Variants in GSN observed in about 807,000 individuals in gnomAD.
The protein encoded by GSN is actin-depolymerizing factor.
Under a neutral mutation model 85.7 loss-of-function variants are expected in GSN, and 56 were observed. That is an observed-to-expected ratio of 0.65 (90% CI 0.53 to 0.82). The LOEUF is 0.82. GSN is among the 40% of genes least tolerant of loss of function. GSN has a pLI of 0.00. For missense variants in GSN, 857 were observed against 979.8 expected (o/e 0.87, Z 1.67); for synonymous variants, 373 against 399.1 (o/e 0.93, Z 0.78).
chr9:121,254,731 ATGT>A (rs1281360802), intron 6 of GSN, among the ~76,000 whole-genome samples: 18 of 152,260 alleles, frequency 1.2e-4, no homozygotes, highest in African/African-American at 3.6e-4. Flanking sequence ...TTTATTTCTA[ATGT>A]TATTATTATT....
intron 2 of GSN, among the ~76,000 whole-genome samples, chr9:121,293,326 A>G (rs1040418619): frequency 6.6e-6 from 1 of 151,494 alleles, no homozygotes; most frequent in Admixed American, 6.6e-5. Context: ...TTTTCCTGTC[A>G]CCTATGTCCC....
Position 121,291,296 on chromosome 9 carries a change from C to T in GSN, c.-10+9734C>T, listed in dbSNP as rs146720431. Among the ~76,000 whole-genome samples the T allele has an allele frequency of 5.4e-3, 819 of 152,074 alleles. 5 individuals carry two copies. Among genetic ancestry groups the T allele is most frequent in the Non-Finnish European group, 8.2e-3 (559 of 68,028 alleles). On this transcript the variant is annotated intron_variant, in intron 2 of 17. Transcript: ENST00000432226. ...GGTTGTATGCAAATACTGTACTATG[C>T]CATTTTATATATTGGTGTACAGCAT...
Position 121,312,505 on chromosome 9 carries a change from C to T in GSN, c.663+17C>T, listed in dbSNP as rs896666450. The T allele has an allele frequency of 1.3e-6, 2 of 1,589,844 alleles. No homozygotes were observed. The highest frequency in any genetic ancestry group is 2.7e-5 in the African/African-American group (2 of 74,272). ...ATGCTCCAGGTGCCTGTGGGGTGCGCAATGGGGTGGCCATGGGGACACGCT... is the reference window on the plus strand; with the variant it reads ...ATGCTCCAGGTGCCTGTGGGGTGCGTAATGGGGTGGCCATGGGGACACGCT... On this transcript the variant is annotated intron_variant, in intron 6 of 17. Transcript: ENST00000432226.
At chr9:121,301,890 G>A (rs777592645) in intron 2 of GSN, 73 bp from the exon 3 acceptor site, 82 of 1,609,214 alleles carry the variant, frequency 5.1e-5, no homozygotes, top group Middle Eastern at 1.6e-4. Context: ...GCTAGAAACC[G>A]CCCTCCCTCA....
In GSN at chr9:121,281,542, C is replaced by A; in HGVS notation, c.-30C>A. 1 of 446,042 alleles carries A rather than the reference C, an allele frequency of 2.2e-6. No homozygotes were observed. The highest frequency in any genetic ancestry group is 4.7e-6 in the Non-Finnish European group (1 of 214,266). The allele number at this position is 446,042 out of a possible 1,614,324, so 27.6% of individuals were successfully genotyped here. ...CGCCTTCCCACGGAGCAGCACTCTT[C>A]ACCCTGCACAGCCTTGTTAGGTAGG... On this transcript the variant is annotated 5_prime_UTR_variant, in exon 2 of 18. Coordinates refer to ENST00000432226, the MANE Select transcript of GSN (RefSeq NM_198252.3).
intron 5 of GSN, chr9:121,311,201 G>A (rs1402496241): frequency 8.6e-6 from 3 of 349,946 alleles, no homozygotes; most frequent in Non-Finnish European, 1.6e-5. Context: ...GCCCACACAT[G>A]TATACTCGGG....
chr9:121,314,416 G>A (rs1433833196), intron 7 of GSN, among the ~76,000 whole-genome samples: 1 of 152,168 alleles, frequency 6.6e-6, no homozygotes, highest in African/African-American at 2.4e-5. Flanking sequence ...TTGGGGGTGT[G>A]GGTTATAGTT....
intron 1 of GSN, among the ~76,000 whole-genome samples, chr9:121,271,842 C>T (rs1310282101): frequency 6.6e-6 from 1 of 152,204 alleles, no homozygotes; most frequent in East Asian, 1.9e-4. Flanking sequence ...ACAGGACTTG[C>T]CCAGCAAGGT....
At chr9:121,326,074 T>G (rs910318813) in intron 12 of GSN, among the ~76,000 whole-genome samples, 1 of 150,322 alleles carries the variant, frequency 6.7e-6, no homozygotes, top group Non-Finnish European at 1.5e-5. Flanking sequence ...TGCCCGCATC[T>G]GGGGTGCACT....
intron 12 of GSN, among the ~76,000 whole-genome samples, 180 bp downstream of exon 12, chr9:121,324,824 T>C (rs896958069): frequency 6.6e-6 from 1 of 152,240 alleles, no homozygotes; most frequent in South Asian, 2.1e-4. Flanking sequence ...AGGGCTTCCA[T>C]GTGTTCCACA....
At chr9:121,301,813 G>T (rs2059893555) in intron 2 of GSN, 150 bp from the exon 3 acceptor site, 1 of 1,218,114 alleles carries the variant, frequency 8.2e-7, no homozygotes, top group Non-Finnish European at 1.2e-6. Context: ...GAGACAGGGT[G>T]CCCAGAAGGG....
chr9:121,225,851 C>T (rs1346856663), intron 4 of GSN, among the ~76,000 whole-genome samples: 1 of 152,194 alleles, frequency 6.6e-6, no homozygotes, highest in Admixed American at 6.5e-5. Context: ...GCTGCCCAGG[C>T]TGGAGTGTGG....
At chr9:121,208,547 C>T (rs1048298964) in intron 1 of GSN, among the ~76,000 whole-genome samples, 2 of 152,202 alleles carry the variant, frequency 1.3e-5, no homozygotes, top group Non-Finnish European at 2.9e-5. Flanking sequence ...ACTGCCACCC[C>T]CAAATCATGC....
chr9:121,256,254 T>C (rs1328843549), intron 6 of GSN, among the ~76,000 whole-genome samples: 1 of 152,186 alleles, frequency 6.6e-6, no homozygotes, highest in Non-Finnish European at 1.5e-5. Flanking sequence ...AAAAACATTG[T>C]ATGCCTGAGG....
At chr9:121,272,300 G>A (rs1353483169) in intron 1 of GSN, among the ~76,000 whole-genome samples, 21 of 152,220 alleles carry the variant, frequency 1.4e-4, no homozygotes, top group Admixed American at 1.4e-3. Context: ...TGGGTGTTGT[G>A]GGCAAGGGTA....
chr9:121,290,677 T>C (rs1249847931), intron 2 of GSN, among the ~76,000 whole-genome samples: 1 of 152,212 alleles, frequency 6.6e-6, no homozygotes, highest in Non-Finnish European at 1.5e-5. Context: ...ACAAAAGTAA[T>C]TGCAATTTTT....
chr9:121,224,457 A>G (rs551979893), intron 4 of GSN, among the ~76,000 whole-genome samples: 39 of 152,302 alleles, frequency 2.6e-4, no homozygotes, highest in Admixed American at 2.4e-3. Context: ...TATCAGTGCC[A>G]GAGATTACTT....
chr9:121,209,932 G>A (rs2053943343), intron 2 of GSN, among the ~76,000 whole-genome samples: 1 of 152,168 alleles, frequency 6.6e-6, no homozygotes, highest in African/African-American at 2.4e-5. Context: ...ATAGTATCTG[G>A]AACAATTTGG....
rs2059932281 is a variant in GSN at position 121,302,066 on chromosome 9, C to T, written c.95C>T (p.Thr32Ile). 2 of 1,614,236 alleles carry T rather than the reference C, an allele frequency of 1.2e-6. No homozygotes were observed. The highest frequency in any genetic ancestry group is 2.7e-5 in the African/African-American group (2 of 75,056). ...AAGTTCGATCTGGTGCCCGTGCCCA[C>T]CAACCTTTATGGAGACTTCTTCACG... ...VEKFDLVPVPTNLYGDFFTGD... is the reference protein window; with the variant it reads ...VEKFDLVPVPINLYGDFFTGD... The change falls in exon 3 of 18, where the codon ACC becomes ATC. Residue 32 changes from threonine to isoleucine, a missense_variant. Physicochemically the swap from Thr to Ile is moderately conservative, Grantham distance 89 (BLOSUM62 -1). Coordinates refer to ENST00000432226, the MANE Select transcript of GSN (RefSeq NM_198252.3).
Sources: gnomAD v4.1 joint callset for allele counts (sites outside exome capture counted in the v4.1 genomes callset) on GRCh38, gnomAD v4.1.1 for gene constraint, MANE v1.5 for transcripts, NCBI Gene and HGNC (gene_info 2026-07-23, HGNC 2026-07-21) for gene names.